DIP2B: variants seen among roughly 807,000 people sequenced by gnomAD.
DIP2B encodes disco-interacting protein 2 homolog B.
A neutral mutation model predicts 198.0 loss-of-function variants in DIP2B; 76 were observed. The ratio of observed to expected loss-of-function variants is 0.38; its 90% confidence interval spans 0.32 to 0.46. The LOEUF (loss-of-function observed/expected upper bound fraction) is 0.46. Ranked by LOEUF, DIP2B falls within the 20% of genes least tolerant of loss-of-function variation. DIP2B has a pLI of 0.99. For synonymous variants in DIP2B, 701 were observed against 739.1 expected (o/e 0.95, Z 0.84); for missense variants, 1,559 against 1,978.4 (o/e 0.79, Z 4.02).
chr12:50,639,014 G>C, intron 2 of DIP2B, among the ~76,000 whole-genome samples: 1 of 151,856 alleles, frequency 6.6e-6, no homozygotes, highest in East Asian at 1.9e-4. Context: ...TGTTCAACCT[G>C]TATGTTGTTT....
At chr12:50,706,801 G>T in intron 21 of DIP2B, 136 bp downstream of exon 21, 3 of 970,100 alleles carry the variant, frequency 3.1e-6, no homozygotes, top group Non-Finnish European at 4.3e-6. Flanking sequence ...GCATAAGCCT[G>T]GCTTTTTTTT....
intron 1 of DIP2B, among the ~76,000 whole-genome samples, chr12:50,553,643 G>C (rs910620355): frequency 6.6e-6 from 1 of 152,062 alleles, no homozygotes; most frequent in African/African-American, 2.4e-5. Context: ...GTTCATTTGT[G>C]TTTTTCCTTT....
intron 1 of DIP2B, among the ~76,000 whole-genome samples, chr12:50,524,197 G>A (rs1185987899): frequency 6.6e-6 from 1 of 152,102 alleles, no homozygotes; most frequent in African/African-American, 2.4e-5. Flanking sequence ...TCCATGCCGA[G>A]TCACTGTTAA....
At chr12:50,669,573 C>T (rs886268520) in intron 4 of DIP2B, among the ~76,000 whole-genome samples, 1 of 152,164 alleles carries the variant, frequency 6.6e-6, no homozygotes. Context: ...TACAGGTGTG[C>T]ACCACCATGC....
intron 26 of DIP2B, among the ~76,000 whole-genome samples, chr12:50,721,920 A>C (rs887077646): frequency 6.6e-6 from 1 of 152,178 alleles, no homozygotes; most frequent in Non-Finnish European, 1.5e-5. Context: ...AAATATTTAG[A>C]AAGCTGATGT....
chr12:50,559,059 A>G (rs562216797), intron 1 of DIP2B, among the ~76,000 whole-genome samples: 1 of 152,268 alleles, frequency 6.6e-6, no homozygotes, highest in South Asian at 2.1e-4. Context: ...CATACTGTCA[A>G]GCTCTTCCAA....
intron 1 of DIP2B, among the ~76,000 whole-genome samples, chr12:50,609,854 G>A (rs546773392): frequency 6.6e-6 from 1 of 152,250 alleles, no homozygotes; most frequent in East Asian, 1.9e-4. Flanking sequence ...TTATAATGAT[G>A]TGTCCTGTTT....
At position 50,505,155 on chromosome 12, in the gene DIP2B, C is replaced by T; in HGVS notation, c.15C>T (p.Gly5=). The change falls in exon 1 of 38, where the codon GGC becomes GGT. Residue 5 remains glycine (G), a synonymous_variant. Coordinates refer to ENST00000301180, the MANE Select transcript of DIP2B (RefSeq NM_173602.3). ...GCGGAGCTGGGATGGCGGAACGAGGCCTGGAGCCGTCGCCGGCCGCGGTGG... is the reference window on the plus strand; with the variant it reads ...GCGGAGCTGGGATGGCGGAACGAGGTCTGGAGCCGTCGCCGGCCGCGGTGG... MAER[G]LEPSPAAVAA... The T allele has an allele frequency of 1.3e-6, 2 of 1,528,192 alleles. No individual in the cohort carries two copies. The highest frequency in any genetic ancestry group is 1.7e-6 in the Non-Finnish European group (2 of 1,142,962). 94.7% of individuals were successfully genotyped at this position (1,528,192 alleles called of 1,614,324 possible).
chr12:50,679,413 CT>C (rs1939000371), intron 8 of DIP2B: 2 of 156,792 alleles, frequency 1.3e-5, no homozygotes, highest in Admixed American at 1.2e-4. Flanking sequence ...TCCTTTTCTC[CT>C]TTGCAAGTGG....
intron 1 of DIP2B, among the ~76,000 whole-genome samples, chr12:50,539,618 C>A (rs1434061809): frequency 6.3e-4 from 84 of 132,856 alleles, no homozygotes; most frequent in Non-Finnish European, 7.6e-4. Flanking sequence ...TACTCTGTCT[C>A]AAAAAAAAAA....
chr12:50,684,655 G>GATGGC (rs1432175903), intron 10 of DIP2B, among the ~76,000 whole-genome samples: 3 of 152,036 alleles, frequency 2.0e-5, no homozygotes, highest in Non-Finnish European at 4.4e-5. Context: ...AGCCAGGTGT[G>GATGGC]ATGGCACAAG....
chr12:50,666,723 C>CA (rs1565864207), intron 4 of DIP2B, among the ~76,000 whole-genome samples: 2 of 152,036 alleles, frequency 1.3e-5, no homozygotes, highest in African/African-American at 4.8e-5. Flanking sequence ...AGGAACCTGT[C>CA]AAAAAAGCTT....
In DIP2B at chr12:50,744,896, TCTGG is replaced by T; in HGVS notation, c.*60_*63del. The T allele has an allele frequency of 3.1e-6, 5 of 1,590,894 alleles. No individual in the cohort carries two copies. The highest frequency in any genetic ancestry group is 4.3e-6 in the Non-Finnish European group (5 of 1,164,586). On this transcript the variant is annotated 3_prime_UTR_variant, in exon 38 of 38. Transcript: ENST00000301180. ...TGAAGAATCACAAAGACAGAAGACC[TCTGG>T]CTAAGAGCAGGCTTCAAACGATGTG...
At chr12:50,652,284 G>A (rs1938468572) in intron 3 of DIP2B, among the ~76,000 whole-genome samples, 1 of 151,024 alleles carries the variant, frequency 6.6e-6, no homozygotes, top group Non-Finnish European at 1.5e-5. Flanking sequence ...CTGCACTCCA[G>A]CCTGGGCAAC....
intron 1 of DIP2B, among the ~76,000 whole-genome samples, chr12:50,577,402 C>A (rs1256492085): frequency 6.6e-6 from 1 of 151,980 alleles, no homozygotes; most frequent in Admixed American, 6.6e-5. Flanking sequence ...GGCGTGGTGG[C>A]GGGCCCCTGT....
At chr12:50,564,061 A>G (rs531536727) in intron 1 of DIP2B, among the ~76,000 whole-genome samples, 10 of 152,108 alleles carry the variant, frequency 6.6e-5, no homozygotes, top group Admixed American at 5.2e-4. Flanking sequence ...GTTGTAATGT[A>G]TTTGGTAAGT....
At chr12:50,663,308 C>G (rs1014397170) in intron 4 of DIP2B, among the ~76,000 whole-genome samples, 20 of 151,766 alleles carry the variant, frequency 1.3e-4, no homozygotes, top group Non-Finnish European at 2.4e-4. Flanking sequence ...CCTGAAGTCC[C>G]AACACTTTGG....
chr12:50,729,365 T>C lies in DIP2B; in HGVS notation c.3641+687T>C, dbSNP rs527928120. 1.4e-4 allele frequency among the ~76,000 whole-genome samples: 21 copies of C among 152,358 alleles called. No homozygotes were observed. The East Asian group carries it at 3.9e-3, about 28-fold the overall frequency. On this transcript the variant is annotated intron_variant, in intron 30 of 37. Transcript: ENST00000301180. ...TGTATGTCCTTTGGCTCGGTTGTGC[T>C]ACACCTGTATGTACATAAGAATCAC...
At chr12:50,600,671 T>A (rs1026653769) in intron 1 of DIP2B, among the ~76,000 whole-genome samples, 1 of 152,140 alleles carries the variant, frequency 6.6e-6, no homozygotes, top group East Asian at 1.9e-4. Context: ...TTGGTACTTA[T>A]TTTTTTCCCC....
Sources: gnomAD v4.1 joint callset for allele counts (sites outside exome capture counted in the v4.1 genomes callset) on GRCh38, gnomAD v4.1.1 for gene constraint, MANE v1.5 for transcripts, NCBI Gene and HGNC (gene_info 2026-07-23, HGNC 2026-07-21) for gene names.